The following PSD2 variants were observed in gnomAD, a reference collection of about 807,000 sequenced individuals.
The protein encoded by PSD2 is pleckstrin and Sec7 domain containing 2.
PSD2 carries 38 observed loss-of-function variants against 69.8 expected under a neutral mutation model. The ratio of observed to expected loss-of-function variants is 0.54; its 90% CI spans 0.42 to 0.71. The LOEUF (loss-of-function observed/expected upper bound fraction) is 0.71. Ranked by LOEUF, PSD2 falls within the 30% of genes least tolerant of loss-of-function variation. The pLI, the probability that PSD2 is intolerant of heterozygous loss-of-function variation, is 0.00. For synonymous variants in PSD2, 412 were observed against 423.0 expected (o/e 0.97, Z 0.32); for missense variants, 943 against 1,014.5 (o/e 0.93, Z 0.96).
chr5:139,835,746 T>C lies in PSD2; in HGVS notation c.1383T>C (p.Asn461=). ...AGACCCTTTACAACTCCATCAAGAA[T>C]GAAAAGCTGGAATGGGCCATGTGAG... is the stretch of plus-strand genomic sequence containing the variant. ...LLKTLYNSIK[N]EKLEWAIDED... Residue 461 remains asparagine, a synonymous_variant, in exon 9 of 15, where the codon AAT becomes AAC. Transcript: ENST00000274710. 1 of 1,614,050 alleles carries C rather than the reference T, an allele frequency of 6.2e-7. No homozygotes were observed. Among genetic ancestry groups the C allele is most frequent in the Non-Finnish European group, 8.5e-7 (1 of 1,179,952 alleles).
chr5:139,743,316 GC>G, the PSD2 span, among the ~76,000 whole-genome samples: 28 of 152,200 alleles, frequency 1.8e-4, no homozygotes, highest in African/African-American at 6.5e-4. Context: ...TCCTACCAAC[GC>G]ACTGACCCTG....
At chr5:139,756,031 G>C in the PSD2 span, among the ~76,000 whole-genome samples, 9 of 152,204 alleles carry the variant, frequency 5.9e-5, no homozygotes, top group Non-Finnish European at 1.3e-4. Context: ...GCTGCCGTCC[G>C]CCCTCCCGCG....
intron 1 of PSD2, among the ~76,000 whole-genome samples, chr5:139,796,497 A>G (rs112415815): frequency 6.6e-6 from 1 of 152,190 alleles, no homozygotes; most frequent in Non-Finnish European, 1.5e-5. Context: ...CTTGGCGGCC[A>G]GGCCTCCCCG....
rs551573083 is a variant in PSD2, at chr5:139,816,009, A to AAG, written c.1017-1471_1017-1470insGA. ...ACTCCATATATTAAAAAAAAAAAAAAAAAAAAAGAAAATTTCAAACAAACA... is the reference window on the plus strand; with the variant it reads ...ACTCCATATATTAAAAAAAAAAAAAAAGAAAAAAAGAAAATTTCAAACAAACA... On this transcript the variant is annotated intron_variant, in intron 4 of 14. Coordinates refer to ENST00000274710, the MANE Select transcript of PSD2 (RefSeq NM_032289.4). Among the ~76,000 whole-genome samples, 93 of 151,482 alleles carry AAG rather than the reference A, an allele frequency of 6.1e-4. 2 individuals carry two copies. The South Asian group carries it at 0.019, about 31-fold the overall frequency.
chr5:139,752,291 A>G, the PSD2 span, among the ~76,000 whole-genome samples: 1 of 151,934 alleles, frequency 6.6e-6, no homozygotes, highest in Non-Finnish European at 1.5e-5. Context: ...GCCTCTCCCT[A>G]AAAACATATA....
At chr5:139,754,951 T>C in the PSD2 span, among the ~76,000 whole-genome samples, 6 of 152,180 alleles carry the variant, frequency 3.9e-5, no homozygotes, top group Non-Finnish European at 7.4e-5. Flanking sequence ...TATGTGTTTT[T>C]GTGTGTGTGT....
upstream of PSD2, among the ~76,000 whole-genome samples, chr5:139,793,571 G>A (rs937431819): frequency 6.6e-6 from 1 of 152,208 alleles, no homozygotes; most frequent in East Asian, 1.9e-4. Context: ...CTGTGTGCCA[G>A]CCCAGCGCAA....
chr5:139,823,637 C>T (rs1404352973), intron 7 of PSD2, among the ~76,000 whole-genome samples: 1 of 152,166 alleles, frequency 6.6e-6, no homozygotes, highest in Non-Finnish European at 1.5e-5. Flanking sequence ...CCTCAGGTTC[C>T]ACATCTGTGA....
chr5:139,766,910 TTCC>T, the PSD2 span, among the ~76,000 whole-genome samples: 1,146 of 50,676 alleles, frequency 0.023, 70 homozygotes, highest in Admixed American at 0.034. Flanking sequence ...TTTCCCTCCC[TTCC>T]TTCCTTCCTT....
chr5:139,829,359 T>A (rs1231767464), intron 7 of PSD2, among the ~76,000 whole-genome samples: 1 of 152,238 alleles, frequency 6.6e-6, no homozygotes, highest in Non-Finnish European at 1.5e-5. Flanking sequence ...ACTTACCATT[T>A]TAACTATTTT....
chr5:139,815,834 A>T (rs567572697), intron 4 of PSD2, among the ~76,000 whole-genome samples: 84 of 152,058 alleles, frequency 5.5e-4, no homozygotes, highest in African/African-American at 1.9e-3. Flanking sequence ...TCTCTAACAA[A>T]AATACAAAAA....
At chr5:139,832,095 A>G (rs1258835745) in intron 7 of PSD2, among the ~76,000 whole-genome samples, 5 of 152,158 alleles carry the variant, frequency 3.3e-5, no homozygotes, top group African/African-American at 1.2e-4. Flanking sequence ...AAAGCCTCCA[A>G]TGCTGCTGGG....
At chr5:139,822,692 C>A in intron 6 of PSD2, 34 bp from the exon 7 acceptor site, 1 of 1,588,978 alleles carries the variant, frequency 6.3e-7, no homozygotes, top group South Asian at 1.1e-5. Context: ...GAGGTTGGAT[C>A]CTCGCACTGA....
At chr5:139,761,698 C>T in the PSD2 span, among the ~76,000 whole-genome samples, 2 of 152,168 alleles carry the variant, frequency 1.3e-5, no homozygotes, top group South Asian at 2.1e-4. Flanking sequence ...GATGTGTGTG[C>T]GACAGGCAGT....
At chr5:139,793,322 C>T (rs571214206), upstream of PSD2, among the ~76,000 whole-genome samples, 1 of 152,220 alleles carries the variant, frequency 6.6e-6, no homozygotes, top group South Asian at 2.1e-4. Context: ...TCCATGGCAC[C>T]CAGAACACTC....
In PSD2 at chr5:139,834,786, C is replaced by A. The variant is rs138872069; in HGVS notation, c.1360-937C>A. Reference sequence around the variant, plus strand: ...TTAAGAACATATTTGTGAGATCAAACAATCCCAGTCCCACTATCCACCTAT... The same window carrying A: ...TTAAGAACATATTTGTGAGATCAAAAAATCCCAGTCCCACTATCCACCTAT... On this transcript the variant is annotated intron_variant, in intron 8 of 14. Coordinates refer to ENST00000274710, the MANE Select transcript of PSD2 (RefSeq NM_032289.4). 3.3e-5 allele frequency among the ~76,000 whole-genome samples: 5 copies of A among 152,108 alleles called. No individual in the cohort carries two copies. The East Asian group carries it at 9.7e-4, about 29-fold the overall frequency.
the PSD2 span, among the ~76,000 whole-genome samples, chr5:139,776,116 C>T: frequency 1.3e-5 from 2 of 152,248 alleles, no homozygotes; most frequent in Non-Finnish European, 2.9e-5. Flanking sequence ...ACGACACCGG[C>T]AGGATAACAT....
At chr5:139,809,264 C>T (rs1011577023) in intron 1 of PSD2, 127 bp from the exon 2 acceptor site, 28 of 724,362 alleles carry the variant, frequency 3.9e-5, no homozygotes, top group Non-Finnish European at 5.3e-5. Context: ...GGAAGGGCCC[C>T]GAGGAGGTCA....
the PSD2 span, among the ~76,000 whole-genome samples, chr5:139,747,259 AC>A: frequency 4.8e-5 from 7 of 145,598 alleles, no homozygotes; most frequent in Non-Finnish European, 9.1e-5. This position sits in a 1 kb window ranked among gnomAD's most constrained non-coding sequence, Gnocchi z 6.7. Context: ...GTTACCCCCA[AC>A]CCCCCGCACA....
Sources: gnomAD v4.1 joint callset for allele counts (sites outside exome capture counted in the v4.1 genomes callset) on GRCh38, gnomAD v4.1.1 for gene constraint, Gnocchi (gnomAD v3.1) non-coding constraint, MANE v1.5 for transcripts, NCBI Gene and HGNC (gene_info 2026-07-23, HGNC 2026-07-21) for gene names.